TMEM132D: variants seen among roughly 807,000 people sequenced by gnomAD.
TMEM132D encodes mature OL transmembrane protein.
A neutral mutation model predicts 62.3 loss-of-function variants in TMEM132D; 21 were observed. That is an observed-to-expected ratio of 0.34 (90% CI 0.24 to 0.49). TMEM132D has a LOEUF of 0.49. Ranked by LOEUF, TMEM132D falls within the 20% of genes least tolerant of loss-of-function variation. The pLI, the probability that TMEM132D is intolerant of heterozygous loss-of-function variation, is 0.99. For missense variants in TMEM132D, 1,346 were observed against 1,402.8 expected, an observed-to-expected ratio of 0.96 and a Z score of 0.65; for synonymous variants, 621 against 575.6, an observed-to-expected ratio of 1.08 and a Z score of -1.13.
intron 2 of TMEM132D, among the ~76,000 whole-genome samples, chr12:129,627,495 C>T (rs749282765): frequency 6.6e-6 from 1 of 152,058 alleles, no homozygotes; most frequent in Non-Finnish European, 1.5e-5. Context: ...CAGAGTATGT[C>T]CCATCCTTAA....
rs1272088607 is a variant in TMEM132D, at chr12:129,161,855, T to G, written c.1443+47665A>C. ...AAGCAGGATCCTCACACTGCCACTTTGTTGCTGGGGAGGAGGCAGACTTTA... is the reference window on the plus strand; with the variant it reads ...AAGCAGGATCCTCACACTGCCACTTGGTTGCTGGGGAGGAGGCAGACTTTA... On this transcript the variant is annotated intron_variant, in intron 5 of 8. Transcript: ENST00000422113. 2.6e-5 allele frequency among the ~76,000 whole-genome samples: 4 copies of G among 152,294 alleles called. No homozygotes were observed. The East Asian group carries it at 7.7e-4, about 29-fold the overall frequency.
chr12:129,237,137 T>C (rs1412627148), intron 4 of TMEM132D, among the ~76,000 whole-genome samples: 1 of 152,232 alleles, frequency 6.6e-6, no homozygotes, highest in African/African-American at 2.4e-5. Context: ...TAGTATTTTC[T>C]TGAGGATTTT....
chr12:129,454,997 T>C (rs1873420782), intron 3 of TMEM132D, among the ~76,000 whole-genome samples: 1 of 152,200 alleles, frequency 6.6e-6, no homozygotes, highest in Non-Finnish European at 1.5e-5. Flanking sequence ...TCAACACTCA[T>C]GGTTCAGCCC....
At chr12:129,216,514 G>A (rs1879205719) in intron 4 of TMEM132D, among the ~76,000 whole-genome samples, 1 of 152,196 alleles carries the variant, frequency 6.6e-6, no homozygotes, top group South Asian at 2.1e-4. Context: ...GTAAGCTGAG[G>A]AATATCAAGA....
chr12:129,881,780 T>C (rs1183000639), intron 1 of TMEM132D, among the ~76,000 whole-genome samples: 1 of 151,716 alleles, frequency 6.6e-6, no homozygotes, highest in African/African-American at 2.4e-5. Flanking sequence ...AAAAATAGTA[T>C]TAGAGCAGAA....
chr12:129,785,456 C>T (rs1274334683), intron 1 of TMEM132D, among the ~76,000 whole-genome samples: 3 of 152,236 alleles, frequency 2.0e-5, no homozygotes, highest in South Asian at 2.1e-4. Context: ...CTGAGGATCA[C>T]GTAGCGCACA....
intron 4 of TMEM132D, among the ~76,000 whole-genome samples, chr12:129,257,555 C>G (rs970891036): frequency 6.6e-6 from 1 of 152,138 alleles, no homozygotes; most frequent in Admixed American, 6.6e-5. Flanking sequence ...GCTCAGGGCA[C>G]CTGGATTTTC....
intron 2 of TMEM132D, among the ~76,000 whole-genome samples, chr12:129,695,368 G>C (rs1201521846): frequency 6.6e-6 from 1 of 152,176 alleles, no homozygotes; most frequent in Non-Finnish European, 1.5e-5. Flanking sequence ...GAAACTAGCG[G>C]GGACATATGG....
intron 7 of TMEM132D, among the ~76,000 whole-genome samples, chr12:129,081,125 T>A (rs1874434130): frequency 6.6e-6 from 1 of 152,196 alleles, no homozygotes. Flanking sequence ...TGCCTGTGAT[T>A]CAGATCAGGT....
At chr12:129,125,261 T>C (rs1316827845) in intron 5 of TMEM132D, among the ~76,000 whole-genome samples, 1 of 152,196 alleles carries the variant, frequency 6.6e-6, no homozygotes, top group Non-Finnish European at 1.5e-5. Flanking sequence ...ATAGAAATTG[T>C]GTGTGATCAG....
chr12:129,375,820 A>G (rs1593356373), intron 3 of TMEM132D, among the ~76,000 whole-genome samples: 1 of 152,292 alleles, frequency 6.6e-6, no homozygotes, highest in African/African-American at 2.4e-5. Context: ...GGAGCTACTG[A>G]TTTAAACTGT....
chr12:129,360,141 CA>C, intron 3 of TMEM132D, among the ~76,000 whole-genome samples: 1 of 152,282 alleles, frequency 6.6e-6, no homozygotes, highest in Admixed American at 6.5e-5. Flanking sequence ...CCTGTCAACC[CA>C]GGCCCTGCCT....
chr12:129,739,934 C>G (rs918825183), intron 1 of TMEM132D, among the ~76,000 whole-genome samples: 4 of 152,132 alleles, frequency 2.6e-5, no homozygotes, highest in Non-Finnish European at 5.9e-5. Flanking sequence ...TCTAAAGAAC[C>G]CTAAAAATAA....
chr12:129,682,720 G>T lies in TMEM132D; in HGVS notation c.968+17090C>A, dbSNP rs574540422. On this transcript the variant is annotated intron_variant, in intron 2 of 8. Coordinates refer to ENST00000422113, the MANE Select transcript of TMEM132D (RefSeq NM_133448.3). Reference sequence around the variant, plus strand: ...TAAAAATACAAAGTATCAGCCGGGCGTGGTGGCGGGTGCCTGTAGTCCCAG... The same window carrying T: ...TAAAAATACAAAGTATCAGCCGGGCTTGGTGGCGGGTGCCTGTAGTCCCAG... Among the ~76,000 whole-genome samples the T allele has an allele frequency of 2.6e-5, 4 of 151,928 alleles. No homozygotes were observed. The South Asian group carries it at 8.4e-4, about 32-fold the overall frequency.
intron 1 of TMEM132D, among the ~76,000 whole-genome samples, chr12:129,719,683 G>C (rs1295510665): frequency 1.3e-5 from 2 of 152,218 alleles, no homozygotes; most frequent in African/African-American, 4.8e-5. Context: ...CAGTAAATTA[G>C]TTATTCGACC....
chr12:129,407,446 G>A (rs1593367847), intron 3 of TMEM132D, among the ~76,000 whole-genome samples: 1 of 152,084 alleles, frequency 6.6e-6, no homozygotes, highest in Non-Finnish European at 1.5e-5. Context: ...TTTAACTTCC[G>A]TTATTTATTT....
At chr12:129,094,796 T>C (rs1011174892) in intron 5 of TMEM132D, among the ~76,000 whole-genome samples, 2 of 152,026 alleles carry the variant, frequency 1.3e-5, no homozygotes, top group African/African-American at 4.8e-5. Flanking sequence ...TGTCCAACAA[T>C]GATAGACTGG....
At chr12:129,283,921 C>T (rs535310882) in intron 4 of TMEM132D, among the ~76,000 whole-genome samples, 9 of 152,354 alleles carry the variant, frequency 5.9e-5, no homozygotes, top group African/African-American at 2.2e-4. Flanking sequence ...TGAACTTGCC[C>T]ATGATCATTT....
intron 1 of TMEM132D, among the ~76,000 whole-genome samples, chr12:129,891,234 G>GA (rs1410929242): frequency 1.3e-5 from 2 of 152,146 alleles, no homozygotes; most frequent in Admixed American, 1.3e-4. Context: ...ACACCTGGAA[G>GA]AAACTGCTGG....
Sources: allele counts gnomAD v4.1 joint callset (sites outside exome capture counted in the v4.1 genomes callset), GRCh38; gene constraint gnomAD v4.1.1; transcripts MANE v1.5; gene names NCBI Gene and HGNC (gene_info 2026-07-23, HGNC 2026-07-21).